GRM7: variants seen among roughly 807,000 people sequenced by gnomAD.
GRM7 encodes the protein glutamate metabotropic receptor 7.
GRM7 carries 35 observed loss-of-function variants against 84.5 expected under a neutral mutation model. The observed-to-expected ratio is 0.41, with a 90% CI of 0.32 to 0.55. The LOEUF (loss-of-function observed/expected upper bound fraction) is 0.55. Ranked by LOEUF, GRM7 falls within the 20% of genes least tolerant of loss-of-function variation. The probability of loss-of-function intolerance (pLI) is 0.19; values close to 1 mark genes in which losing one functional copy is unlikely to be tolerated. For synonymous variants in GRM7, 487 were observed against 455.1 expected (o/e 1.07, Z -0.89); for missense variants, 1,003 against 1,194.6 (o/e 0.84, Z 2.36).
At chr3:7,184,423 A>G (rs904252943) in intron 2 of GRM7, among the ~76,000 whole-genome samples, 4 of 152,108 alleles carry the variant, frequency 2.6e-5, no homozygotes, top group African/African-American at 9.7e-5. Context: ...AAATTGTTCC[A>G]TATATATGAG....
At chr3:7,351,360 A>C (rs1386562073) in intron 4 of GRM7, among the ~76,000 whole-genome samples, 2 of 150,946 alleles carry the variant, frequency 1.3e-5, no homozygotes, top group African/African-American at 4.9e-5. Context: ...AAAAAAAAAA[A>C]AAACAACTGA....
intron 1 of GRM7, among the ~76,000 whole-genome samples, chr3:6,948,197 T>C (rs972035347): frequency 1.3e-5 from 2 of 152,130 alleles, no homozygotes; most frequent in African/African-American, 2.4e-5. Context: ...CATTTAGTGC[T>C]GTAAATTTCC....
intron 3 of GRM7, among the ~76,000 whole-genome samples, chr3:7,300,548 T>A (rs2125024414): frequency 6.6e-6 from 1 of 152,286 alleles, no homozygotes; most frequent in African/African-American, 2.4e-5. Flanking sequence ...TCGGGAGATC[T>A]GGCTGTTTCA....
At chr3:7,075,496 A>ATG (rs376048569) in intron 1 of GRM7, among the ~76,000 whole-genome samples, 9,789 of 138,144 alleles carry the variant, frequency 0.071, 376 homozygotes, top group African/African-American at 0.11. Flanking sequence ...TGCTTCTCAG[A>ATG]TGTGTGTGTG....
At chr3:7,178,783 GA>G (rs1335693440) in intron 2 of GRM7, among the ~76,000 whole-genome samples, 10 of 149,292 alleles carry the variant, frequency 6.7e-5, no homozygotes, top group East Asian at 2.0e-4. Context: ...TATGTCATAT[GA>G]AAAAAAAAAT....
intron 4 of GRM7, among the ~76,000 whole-genome samples, chr3:7,330,291 C>A (rs1701152272): frequency 6.6e-6 from 1 of 152,068 alleles, no homozygotes; most frequent in Non-Finnish European, 1.5e-5. Flanking sequence ...AAGGAAAAGT[C>A]TGTCACAAAA....
chr3:7,229,013 CATATT>C (rs1454478945), intron 2 of GRM7, among the ~76,000 whole-genome samples: 1 of 152,132 alleles, frequency 6.6e-6, no homozygotes, highest in Non-Finnish European at 1.5e-5. Context: ...TTCAAAACCT[CATATT>C]ATCACAAAGT....
At chr3:7,664,687 T>A (rs1384875141) in intron 8 of GRM7, among the ~76,000 whole-genome samples, 1 of 152,160 alleles carries the variant, frequency 6.6e-6, no homozygotes, top group African/African-American at 2.4e-5. Flanking sequence ...TTTTATTCCA[T>A]CTTATATGTA....
intron 1 of GRM7, among the ~76,000 whole-genome samples, chr3:6,997,183 T>C (rs1055515692): frequency 6.6e-6 from 1 of 152,172 alleles, no homozygotes; most frequent in African/African-American, 2.4e-5. Context: ...CTGGTTTTAT[T>C]AGCTACATTC....
intron 2 of GRM7, among the ~76,000 whole-genome samples, chr3:7,156,766 G>A (rs545211852): frequency 2.3e-4 from 35 of 152,164 alleles, no homozygotes; most frequent in African/African-American, 8.4e-4. Flanking sequence ...CTGGTACTAT[G>A]CATCACAACA....
intron 7 of GRM7, among the ~76,000 whole-genome samples, chr3:7,553,610 G>A (rs943342403): frequency 3.3e-5 from 5 of 152,132 alleles, no homozygotes; most frequent in African/African-American, 1.2e-4. Flanking sequence ...TGAAGAGGGA[G>A]CACAAGGCAT....
chr3:7,059,215 A>G (rs144963804), intron 1 of GRM7, among the ~76,000 whole-genome samples: 18 of 150,698 alleles, frequency 1.2e-4, no homozygotes, highest in African/African-American at 3.9e-4. Context: ...TCATCAATAT[A>G]TTTTTTCAGT....
chr3:7,397,486 A>G (rs1019643523), intron 4 of GRM7, among the ~76,000 whole-genome samples: 3 of 152,242 alleles, frequency 2.0e-5, no homozygotes, highest in South Asian at 4.1e-4. Flanking sequence ...CCTAATATTC[A>G]GTAGCATAAT....
At chr3:7,025,390 T>A (rs1458232753) in intron 1 of GRM7, among the ~76,000 whole-genome samples, 3 of 152,202 alleles carry the variant, frequency 2.0e-5, no homozygotes, top group Non-Finnish European at 4.4e-5. Flanking sequence ...GGCCAATGCA[T>A]CTCTGCCATG....
At chr3:7,428,730 A>T (rs1370844955) in intron 5 of GRM7, among the ~76,000 whole-genome samples, 1 of 152,184 alleles carries the variant, frequency 6.6e-6, no homozygotes, top group Non-Finnish European at 1.5e-5. Context: ...CAATGCTAGC[A>T]CAGGCAGAAC....
intron 9 of GRM7, among the ~76,000 whole-genome samples, chr3:7,737,843 ATTTTTTTTT>A (rs35087158): frequency 2.2e-5 from 3 of 134,470 alleles, no homozygotes; most frequent in Non-Finnish European, 4.8e-5. Context: ...TATTCTCCCA[ATTTTTTTTT>A]TTTTTTTTTT....
At chr3:7,449,884 C>G (rs1379807845) in intron 5 of GRM7, among the ~76,000 whole-genome samples, 4 of 152,034 alleles carry the variant, frequency 2.6e-5, no homozygotes, top group African/African-American at 9.7e-5. Context: ...CTTCTGTACT[C>G]TGGAAGTGGG....
intron 4 of GRM7, among the ~76,000 whole-genome samples, chr3:7,394,029 T>A (rs1227981183): frequency 6.6e-6 from 1 of 152,162 alleles, no homozygotes; most frequent in Non-Finnish European, 1.5e-5. Flanking sequence ...ACAATTATTA[T>A]GTTAAATCCT....
At chr3:7,349,154 G>A (rs950377602) in intron 4 of GRM7, among the ~76,000 whole-genome samples, 1 of 151,940 alleles carries the variant, frequency 6.6e-6, no homozygotes, top group Non-Finnish European at 1.5e-5. Context: ...GTCGATTTCT[G>A]TGCTTCTGTC....
Sources: gnomAD v4.1 joint callset for allele counts (sites outside exome capture counted in the v4.1 genomes callset) on GRCh38, gnomAD v4.1.1 for gene constraint, MANE v1.5 for transcripts, NCBI Gene and HGNC (gene_info 2026-07-23, HGNC 2026-07-21) for gene names.